Variants in CPQ observed in about 807,000 individuals in gnomAD.
CPQ encodes Ser-Met dipeptidase.
In CPQ, 37 loss-of-function variants were observed where a neutral mutation model predicts 45.7. The ratio of observed to expected loss-of-function variants is 0.81; its 90% confidence interval spans 0.62 to 1.07. CPQ has a LOEUF of 1.07. CPQ is among the 50% of genes least tolerant of loss of function. CPQ has a pLI of 0.00. For missense variants in CPQ, 537 were observed against 572.9 expected (o/e 0.94, Z 0.64); for synonymous variants, 186 against 205.8 (o/e 0.90, Z 0.82).
At chr8:96,723,031 A>G (rs1394969532) in intron 1 of CPQ, among the ~76,000 whole-genome samples, 1 of 152,212 alleles carries the variant, frequency 6.6e-6, no homozygotes, top group East Asian at 1.9e-4. Context: ...CCTTAAAATG[A>G]TTAAATGCTT....
intron 5 of CPQ, among the ~76,000 whole-genome samples, chr8:96,975,784 A>C (rs1324425697): frequency 6.6e-6 from 1 of 152,150 alleles, no homozygotes; most frequent in Non-Finnish European, 1.5e-5. Context: ...CATTTGACAA[A>C]ATCCAGCATC....
At chr8:96,989,556 T>C (rs1171753661) in intron 5 of CPQ, among the ~76,000 whole-genome samples, 1 of 151,630 alleles carries the variant, frequency 6.6e-6, no homozygotes, top group Non-Finnish European at 1.5e-5. Context: ...GAGCTGGATT[T>C]CTTCAAACCC....
intron 3 of CPQ, among the ~76,000 whole-genome samples, chr8:96,851,220 G>C (rs1318675886): frequency 6.6e-6 from 1 of 152,198 alleles, no homozygotes; most frequent in African/African-American, 2.4e-5. Flanking sequence ...ACTTGAGAGA[G>C]TCGTGAGATA....
intron 6 of CPQ, among the ~76,000 whole-genome samples, chr8:97,060,551 A>G (rs1417909310): frequency 6.6e-6 from 1 of 152,146 alleles, no homozygotes; most frequent in African/African-American, 2.4e-5. Context: ...AGAGAACAAA[A>G]TAGGGGGTTT....
intron 4 of CPQ, among the ~76,000 whole-genome samples, chr8:96,883,731 C>T (rs892632240): frequency 6.6e-6 from 1 of 152,150 alleles, no homozygotes; most frequent in East Asian, 1.9e-4. Context: ...CAATAAATGT[C>T]GCTTCTTCCA....
chr8:97,044,805 C>T (rs189032750), intron 6 of CPQ, among the ~76,000 whole-genome samples: 16 of 152,288 alleles, frequency 1.1e-4, no homozygotes, highest in Admixed American at 5.2e-4. Context: ...AGCGGATTTT[C>T]GTGAACTGCG....
intron 1 of CPQ, among the ~76,000 whole-genome samples, chr8:96,744,844 C>G (rs1025280036): frequency 6.6e-6 from 1 of 152,148 alleles, no homozygotes; most frequent in Non-Finnish European, 1.5e-5. Flanking sequence ...GGATTCATTT[C>G]TATCATCTTA....
chr8:96,960,544 A>G (rs1378345073), intron 4 of CPQ, among the ~76,000 whole-genome samples: 1 of 152,166 alleles, frequency 6.6e-6, no homozygotes, highest in Admixed American at 6.5e-5. Context: ...GAGAATAGTA[A>G]TGGAAGGATT....
chr8:97,115,686 G>C (rs927294747), intron 7 of CPQ, among the ~76,000 whole-genome samples: 1 of 152,202 alleles, frequency 6.6e-6, no homozygotes, highest in Non-Finnish European at 1.5e-5. Context: ...TACAGCGTGT[G>C]CTAAGCTGGA....
intron 1 of CPQ, among the ~76,000 whole-genome samples, chr8:96,723,406 G>A (rs1000770591): frequency 6.6e-6 from 1 of 152,250 alleles, no homozygotes. Context: ...ATGGAGTATT[G>A]TTATTTAGAG....
At chr8:96,773,497 A>T (rs1435088830) in intron 1 of CPQ, among the ~76,000 whole-genome samples, 1 of 152,206 alleles carries the variant, frequency 6.6e-6, no homozygotes, top group Admixed American at 6.5e-5. Flanking sequence ...CTTTCAACAA[A>T]GGGAACAGTA....
At chr8:96,653,000 T>C (rs1310838898) in intron 1 of CPQ, among the ~76,000 whole-genome samples, 1 of 152,078 alleles carries the variant, frequency 6.6e-6, no homozygotes, top group Non-Finnish European at 1.5e-5. Context: ...GGCGTGATCT[T>C]GGCTCACTGC....
At chr8:96,783,718 A>AT (rs1258576349) in intron 1 of CPQ, among the ~76,000 whole-genome samples, 1 of 152,144 alleles carries the variant, frequency 6.6e-6, no homozygotes, top group African/African-American at 2.4e-5. Flanking sequence ...GTGCTGCTTA[A>AT]TATAATAGCC....
chr8:97,042,504 T>C (rs2130491821), intron 6 of CPQ, among the ~76,000 whole-genome samples: 1 of 152,320 alleles, frequency 6.6e-6, no homozygotes, highest in African/African-American at 2.4e-5. Context: ...CCTCCGATTT[T>C]AGTTATTTCT....
At chr8:96,670,310 ATTTTTTTTTT>A (rs76070257) in intron 1 of CPQ, among the ~76,000 whole-genome samples, 6 of 144,056 alleles carry the variant, frequency 4.2e-5, no homozygotes, top group South Asian at 4.4e-4. Flanking sequence ...GAGTGACTCA[ATTTTTTTTTT>A]TTTTTTTTTT....
At chr8:96,674,678 G>A (rs1809051909) in intron 1 of CPQ, among the ~76,000 whole-genome samples, 1 of 152,088 alleles carries the variant, frequency 6.6e-6, no homozygotes, top group Admixed American at 6.6e-5. Flanking sequence ...TCTTTTGCTT[G>A]AAGAAGACAT....
At chr8:96,684,285 G>T (rs1334133439) in intron 1 of CPQ, among the ~76,000 whole-genome samples, 1 of 152,212 alleles carries the variant, frequency 6.6e-6, no homozygotes, top group Non-Finnish European at 1.5e-5. Context: ...TAGTCTGCAT[G>T]ATTTCTTTGG....
intron 1 of CPQ, among the ~76,000 whole-genome samples, chr8:96,784,160 A>G (rs1283093305): frequency 6.6e-6 from 1 of 152,030 alleles, no homozygotes; most frequent in Non-Finnish European, 1.5e-5. Flanking sequence ...CATGCACTAT[A>G]TAAATGCTTC....
At chr8:96,646,860 T>C (rs1024894906) in intron 1 of CPQ, among the ~76,000 whole-genome samples, 2 of 152,224 alleles carry the variant, frequency 1.3e-5, no homozygotes, top group African/African-American at 4.8e-5. Context: ...TTACAGCTCA[T>C]TTCCTTTCTT....
Sources: allele counts gnomAD v4.1 joint callset (sites outside exome capture counted in the v4.1 genomes callset), GRCh38; gene constraint gnomAD v4.1.1; transcripts MANE v1.5; gene names NCBI Gene and HGNC (gene_info 2026-07-23, HGNC 2026-07-21).